FARP1: variants seen among roughly 807,000 people sequenced by gnomAD.
The protein encoded by FARP1 is FERM, ARHGEF and pleckstrin domain-containing protein 1.
A neutral mutation model predicts 128.8 loss-of-function variants in FARP1; 52 were observed. The observed-to-expected ratio is 0.40, with a 90% CI of 0.32 to 0.51. FARP1 has a LOEUF of 0.51. FARP1 is among the 20% of genes least tolerant of loss of function. The probability of loss-of-function intolerance (pLI) is 0.45; values close to 1 mark genes in which losing one functional copy is unlikely to be tolerated. For synonymous variants in FARP1, 580 were observed against 551.8 expected, an observed-to-expected ratio of 1.05 and a Z score of -0.72; for missense variants, 1,333 against 1,367.9, an observed-to-expected ratio of 0.97 and a Z score of 0.40.
intron 2 of FARP1, among the ~76,000 whole-genome samples, chr13:98,314,036 C>T (rs368191250): frequency 3.9e-5 from 6 of 152,276 alleles, no homozygotes; most frequent in South Asian, 4.1e-4. Context: ...TTGTGTAACA[C>T]GGATTGAGCT....
At chr13:98,418,406 C>G (rs1237300780) in intron 16 of FARP1, among the ~76,000 whole-genome samples, 1 of 152,168 alleles carries the variant, frequency 6.6e-6, no homozygotes, top group Non-Finnish European at 1.5e-5. Flanking sequence ...TCCCCAGTAG[C>G]TGGGATTACA....
chr13:98,231,892 A>T (rs902069702), intron 2 of FARP1, among the ~76,000 whole-genome samples: 2 of 152,112 alleles, frequency 1.3e-5, no homozygotes, highest in Admixed American at 6.6e-5. Context: ...CAATGGCACA[A>T]TCTTGGCTTA....
chr13:98,181,643 T>TATTTGA (rs74946449), intron 1 of FARP1, among the ~76,000 whole-genome samples: 22 of 38,314 alleles, frequency 5.7e-4, no homozygotes, highest in African/African-American at 2.3e-3. Flanking sequence ...TTTATTTATT[T>TATTTGA]GAGAGAGAGA....
chr13:98,214,323 C>T (rs1486553083), intron 2 of FARP1, among the ~76,000 whole-genome samples: 1 of 152,058 alleles, frequency 6.6e-6, no homozygotes, highest in Non-Finnish European at 1.5e-5. Context: ...CGGCTCAGTC[C>T]AGAGAACTCT....
intron 1 of FARP1, among the ~76,000 whole-genome samples, chr13:98,167,577 T>C (rs1217659419): frequency 6.6e-6 from 1 of 151,828 alleles, no homozygotes; most frequent in African/African-American, 2.4e-5. Context: ...GCCCAGCTAA[T>C]TTTTGTATTT....
intron 4 of FARP1, among the ~76,000 whole-genome samples, chr13:98,366,249 C>G (rs1172339255): frequency 6.6e-6 from 1 of 152,210 alleles, no homozygotes; most frequent in Admixed American, 6.5e-5. Context: ...GGGCCACTTA[C>G]AGCAATTGAT....
At chr13:98,371,096 T>C (rs1418262759) in intron 5 of FARP1, among the ~76,000 whole-genome samples, 1 of 152,032 alleles carries the variant, frequency 6.6e-6, no homozygotes, top group Non-Finnish European at 1.5e-5. Flanking sequence ...GTTGGAGGAA[T>C]GTAGTTGTGT....
At chr13:98,333,415 G>A (rs1367035917) in intron 2 of FARP1, among the ~76,000 whole-genome samples, 21 of 145,292 alleles carry the variant, frequency 1.4e-4, no homozygotes, top group Non-Finnish European at 2.0e-4. Context: ...TTGCAAGAAA[G>A]CAGTAGAAAT....
At chr13:98,314,152 A>G (rs1886613357) in intron 2 of FARP1, among the ~76,000 whole-genome samples, 1 of 152,176 alleles carries the variant, frequency 6.6e-6, no homozygotes, top group Non-Finnish European at 1.5e-5. Context: ...AGTGTTTGAC[A>G]TGGAGCCAGT....
chr13:98,148,962 C>T (rs1251518834), intron 1 of FARP1, among the ~76,000 whole-genome samples: 2 of 152,056 alleles, frequency 1.3e-5, no homozygotes, highest in African/African-American at 4.8e-5. Context: ...TCTCGGCTCA[C>T]TGCAGCCTCA....
chr13:98,353,173 G>A (rs546398547), intron 3 of FARP1, among the ~76,000 whole-genome samples: 8 of 151,896 alleles, frequency 5.3e-5, no homozygotes, highest in African/African-American at 1.2e-4. Flanking sequence ...AAACTCTGGC[G>A]TATAAAGATG....
intron 2 of FARP1, among the ~76,000 whole-genome samples, chr13:98,289,101 C>T (rs763525640): frequency 6.6e-5 from 10 of 152,028 alleles, no homozygotes; most frequent in Non-Finnish European, 1.5e-4. Context: ...TGGGATCCAT[C>T]CCACAGACCA....
chr13:98,444,688 A>T (rs1892709864), intron 24 of FARP1, among the ~76,000 whole-genome samples: 1 of 152,198 alleles, frequency 6.6e-6, no homozygotes, highest in Non-Finnish European at 1.5e-5. Flanking sequence ...GGCCAGGCAG[A>T]AGCTAGAGAG....
chr13:98,250,998 C>G (rs994648472), intron 2 of FARP1, among the ~76,000 whole-genome samples: 1 of 152,210 alleles, frequency 6.6e-6, no homozygotes, highest in Non-Finnish European at 1.5e-5. Context: ...TAGGCTCGAG[C>G]ACAGTGCTTG....
In FARP1 at chr13:98,448,485, G is replaced by A. The variant is rs1411385407; in HGVS notation, c.*168G>A. 4 of 610,450 alleles carry A rather than the reference G, an allele frequency of 6.6e-6. No individual in the cohort carries two copies. Among genetic ancestry groups the A allele is most frequent in the East Asian group, 2.8e-5 (1 of 35,530 alleles). The allele number at this position is 610,450 out of a possible 1,614,324, so 37.8% of individuals were successfully genotyped here. A position where few individuals can be genotyped will look rare whatever the true frequency, so the allele number is the denominator to read the frequency against. On this transcript the variant is annotated 3_prime_UTR_variant, in exon 27 of 27. Coordinates refer to ENST00000319562, the MANE Select transcript of FARP1 (RefSeq NM_005766.4). ...CGTTTTTTAACCCCGACCTCTCAGC[G>A]TCTGAATGAACAGCGCTCCCACCTC...
chr13:98,296,546 T>G (rs1885705734), intron 2 of FARP1, among the ~76,000 whole-genome samples: 1 of 151,870 alleles, frequency 6.6e-6, no homozygotes, highest in South Asian at 2.1e-4. Context: ...CCTCCACTCC[T>G]AGCACAGGAG....
intron 5 of FARP1, among the ~76,000 whole-genome samples, chr13:98,368,986 C>T (rs1163063427): frequency 4.7e-5 from 7 of 150,176 alleles, no homozygotes; most frequent in Non-Finnish European, 1.0e-4. Flanking sequence ...AGTGCAGTGA[C>T]GCAGTCTCAG....
Position 98,287,208 on chromosome 13 carries a change from C to CTTTTTTTTTT in FARP1, c.172-56523_172-56514dup, listed in dbSNP as rs71111939. Among the ~76,000 whole-genome samples the CTTTTTTTTTT allele has an allele frequency of 1.2e-3, 91 of 75,838 alleles. 9 individuals are homozygous for CTTTTTTTTTT. Among genetic ancestry groups the CTTTTTTTTTT allele is most frequent in the Non-Finnish European group, 1.7e-3 (70 of 42,106 alleles). The allele number at this position is 75,838 out of a possible 152,430, so 49.8% of individuals were successfully genotyped here. Reference sequence around the variant, plus strand: ...TTTCCAAATTAACCATCAGACATGTCTTTTTTTTTTTTTTTTTTTTTTTTT... The same window carrying CTTTTTTTTTT: ...TTTCCAAATTAACCATCAGACATGTCTTTTTTTTTTTTTTTTTTTTTTTTTTTTTTTTTTT... On this transcript the variant is annotated intron_variant, in intron 2 of 26. Transcript: ENST00000319562.
chr13:98,248,738 T>C (rs1883185569), intron 2 of FARP1, among the ~76,000 whole-genome samples: 1 of 152,032 alleles, frequency 6.6e-6, no homozygotes, highest in South Asian at 2.1e-4. Context: ...GTCTGCCTTC[T>C]TGTCTCAGCT....
Sources: gnomAD v4.1 joint callset for allele counts (sites outside exome capture counted in the v4.1 genomes callset) on GRCh38, gnomAD v4.1.1 for gene constraint, MANE v1.5 for transcripts, NCBI Gene and HGNC (gene_info 2026-07-23, HGNC 2026-07-21) for gene names.